Variants in FYB1 observed in about 807,000 individuals in gnomAD.
FYB1 encodes FYN-binding protein 1.
In FYB1, 41 loss-of-function variants were observed where a neutral mutation model predicts 94.1. The observed-to-expected ratio is 0.44, with a 90% confidence interval of 0.34 to 0.57. The LOEUF (loss-of-function observed/expected upper bound fraction) is 0.57, where lower values mean the gene tolerates loss of function less well. FYB1 is among the 20% of genes least tolerant of loss of function. The probability of loss-of-function intolerance (pLI) is 0.02; values close to 1 mark genes in which losing one functional copy is unlikely to be tolerated. For synonymous variants in FYB1, 367 were observed against 353.2 expected (o/e 1.04, Z -0.44); for missense variants, 1,050 against 976.8 (o/e 1.07, Z -1.00).
In FYB1 at chr5:39,166,442, A is replaced by AC. The variant is rs201372118; in HGVS notation, c.1136-12839_1136-12838insG. 2.0e-3 allele frequency among the ~76,000 whole-genome samples: 309 copies of AC among 151,950 alleles called. 2 individuals carry two copies. The highest frequency in any genetic ancestry group is 7.1e-3 in the African/African-American group (295 of 41,416). On this transcript the variant is annotated intron_variant, in intron 2 of 18. Coordinates refer to ENST00000512982, the MANE Select transcript of FYB1 (RefSeq NM_001465.6). ...CAAGGTGAAACTCCGTCTCATAAAAAAAAAAAAAAAGAAATAAAGATATCA... is the reference window on the plus strand; with the variant it reads ...CAAGGTGAAACTCCGTCTCATAAAAACAAAAAAAAAAGAAATAAAGATATCA...
In FYB1 at chr5:39,118,899, A is replaced by T; in HGVS notation, c.2376T>A (p.Val792=). 1 of 1,533,638 alleles carries T rather than the reference A, an allele frequency of 6.5e-7. No homozygotes were observed. The highest frequency in any genetic ancestry group is 8.8e-7 in the Non-Finnish European group (1 of 1,132,958). Residue 792 remains valine, a synonymous_variant, in exon 16 of 19, where the codon GTT becomes GTA. Coordinates refer to ENST00000512982, the MANE Select transcript of FYB1 (RefSeq NM_001465.6). ...EVIQTTDDTK[V]LCRNEEGKYG... ...ATTTCCCTTCTTCATTTCTGCAGAG[A>T]ACTTTTGTGTCATCTGTGGTTTGTA...
chr5:39,192,220 G>C (rs186797986), intron 2 of FYB1, among the ~76,000 whole-genome samples: 19 of 152,246 alleles, frequency 1.2e-4, no homozygotes, highest in Admixed American at 1.2e-3. Flanking sequence ...AAGTCAGAAA[G>C]AGCCTTTATT....
At chr5:39,155,801 A>G (rs1743694542) in intron 2 of FYB1, among the ~76,000 whole-genome samples, 1 of 152,194 alleles carries the variant, frequency 6.6e-6, no homozygotes, top group African/African-American at 2.4e-5. Context: ...CTCCTAAATC[A>G]TTTAGCAAAC....
At chr5:39,253,862 C>T (rs1315552232) in intron 1 of FYB1, among the ~76,000 whole-genome samples, 1 of 152,168 alleles carries the variant, frequency 6.6e-6, no homozygotes, top group Non-Finnish European at 1.5e-5. Context: ...TGATATGCCC[C>T]AGTGTGTGTT....
intron 16 of FYB1, among the ~76,000 whole-genome samples, chr5:39,111,892 A>C (rs10066393): frequency 0.035 from 5,315 of 152,082 alleles, 329 homozygotes; most frequent in African/African-American, 0.12. Context: ...TATTTCAATT[A>C]ATGCAAAAGT....
At chr5:39,190,021 A>G (rs1747217545) in intron 2 of FYB1, among the ~76,000 whole-genome samples, 1 of 152,238 alleles carries the variant, frequency 6.6e-6, no homozygotes, top group South Asian at 2.1e-4. Context: ...TTTTTTGAAT[A>G]ACACACAGGA....
chr5:39,232,558 AT>A (rs1228685335), intron 1 of FYB1, among the ~76,000 whole-genome samples: 8 of 143,110 alleles, frequency 5.6e-5, no homozygotes, highest in Non-Finnish European at 1.1e-4. Flanking sequence ...TTTTTTATTT[AT>A]TTTTTTTGCT....
Position 39,202,295 on chromosome 5 carries a change from T to G in FYB1, c.666A>C (p.Ser222=). 6.2e-7 allele frequency: 1 copy of G among 1,613,908 alleles called. No individual in the cohort carries two copies. Among genetic ancestry groups the G allele is most frequent in the African/African-American group, 1.3e-5 (1 of 75,016 alleles). Residue 222 remains serine (S), a synonymous_variant, in exon 2 of 19, where the codon TCA becomes TCC. Coordinates refer to ENST00000512982, the MANE Select transcript of FYB1 (RefSeq NM_001465.6). ...CTCCCAGGGGAGCTGGGGACCCTTT[T>G]GATGAAGACACATTCTTCATGGGGC... is the stretch of plus-strand genomic sequence containing the variant. ...DESPMKNVSS[S]KGSPAPLGVR...
At chr5:39,123,170 G>C (rs1740287306) in intron 13 of FYB1, among the ~76,000 whole-genome samples, 2 of 152,100 alleles carry the variant, frequency 1.3e-5, no homozygotes, top group Admixed American at 1.3e-4. Flanking sequence ...AATATTTTAA[G>C]GAGTTATTAC....
rs74819757 is a variant in FYB1, at chr5:39,253,067, A to T, written c.-28+21336T>A. Among the ~76,000 whole-genome samples the T allele has an allele frequency of 1.7e-4, 26 of 152,340 alleles. No homozygotes were observed. The East Asian group carries it at 3.9e-3, about 23-fold the overall frequency. ...CTATGCTTACAAGGGGTAGACAGAAACAATCCGATTTTTTCTATTCCTAAA... is the reference window on the plus strand; with the variant it reads ...CTATGCTTACAAGGGGTAGACAGAATCAATCCGATTTTTTCTATTCCTAAA... On this transcript the variant is annotated intron_variant, in intron 1 of 1. Transcript: ENST00000510188.
At chr5:39,186,461 C>A (rs1283054131) in intron 2 of FYB1, among the ~76,000 whole-genome samples, 1 of 151,972 alleles carries the variant, frequency 6.6e-6, no homozygotes, top group East Asian at 1.9e-4. Context: ...ACTGAGAGAA[C>A]AGCACTCTGA....
upstream of FYB1, among the ~76,000 whole-genome samples, chr5:39,219,921 C>A (rs900967808): frequency 2.0e-5 from 3 of 152,062 alleles, no homozygotes; most frequent in Non-Finnish European, 4.4e-5. Context: ...TTAGAAAGGT[C>A]CACTGGAGCA....
chr5:39,206,053 T>C (rs1183878767), intron 1 of FYB1, among the ~76,000 whole-genome samples: 2 of 152,210 alleles, frequency 1.3e-5, no homozygotes, highest in Non-Finnish European at 2.9e-5. Context: ...ATCATTAATG[T>C]TATGTCCGAA....
chr5:39,216,852 C>T lies in FYB1; in HGVS notation c.-28+2591G>A, dbSNP rs145253361. Among the ~76,000 whole-genome samples, 480 of 152,338 alleles carry T rather than the reference C, an allele frequency of 3.2e-3. 5 individuals are homozygous for T. The highest frequency in any genetic ancestry group is 0.011 in the African/African-American group (449 of 41,574). The stretch of plus-strand genomic sequence containing the variant: ...CAAAGTCATCCACTGCTCTGACCAA[C>T]TCACAAGGCGCAGGCTGCAGCAACG... On this transcript the variant is annotated intron_variant, in intron 1 of 18. Transcript: ENST00000512982.
intron 16 of FYB1, among the ~76,000 whole-genome samples, chr5:39,116,312 C>T (rs932664205): frequency 1.3e-5 from 2 of 152,136 alleles, no homozygotes; most frequent in African/African-American, 4.8e-5. Flanking sequence ...TGGTTTCCAT[C>T]CTGTCTGAGA....
upstream of FYB1, among the ~76,000 whole-genome samples, chr5:39,222,848 C>T (rs189417661): frequency 6.6e-6 from 1 of 152,128 alleles, no homozygotes; most frequent in Admixed American, 6.5e-5. Flanking sequence ...TTGATTACAA[C>T]AAGATGATGA....
intron 1 of FYB1, among the ~76,000 whole-genome samples, chr5:39,230,474 A>G (rs1750671714): frequency 6.6e-6 from 1 of 152,082 alleles, no homozygotes; most frequent in Admixed American, 6.5e-5. Flanking sequence ...ACTATAAGAC[A>G]ATAAATTTCT....
At chr5:39,173,581 A>G (rs1745447718) in intron 2 of FYB1, among the ~76,000 whole-genome samples, 1 of 152,168 alleles carries the variant, frequency 6.6e-6, no homozygotes, top group Non-Finnish European at 1.5e-5. Context: ...TTGAGATCTT[A>G]TATTTAAATC....
chr5:39,217,253 A>G (rs1749937935), intron 1 of FYB1, among the ~76,000 whole-genome samples: 1 of 152,258 alleles, frequency 6.6e-6, no homozygotes, highest in African/African-American at 2.4e-5. Context: ...AGAAGCCTGT[A>G]CAAGGTTTAG....
Sources: allele counts gnomAD v4.1 joint callset (sites outside exome capture counted in the v4.1 genomes callset), GRCh38; gene constraint gnomAD v4.1.1; transcripts MANE v1.5; gene names NCBI Gene and HGNC (gene_info 2026-07-23, HGNC 2026-07-21).